Variants in NF2 observed in about 807,000 individuals in gnomAD.
NF2 encodes merlin.
A neutral mutation model predicts 83.7 loss-of-function variants in NF2; 8 were observed. The ratio of observed to expected loss-of-function variants is 0.10; its 90% CI spans 0.06 to 0.17. The LOEUF (loss-of-function observed/expected upper bound fraction) is 0.17. NF2 is among the 10% of genes least tolerant of loss of function. The pLI is 1.00. For synonymous variants in NF2, 266 were observed against 269.6 expected, an observed-to-expected ratio of 0.99 and a Z score of 0.13; for missense variants, 533 against 744.4, an observed-to-expected ratio of 0.72 and a Z score of 3.31.
intron 1 of NF2, among the ~76,000 whole-genome samples, chr22:29,613,218 A>G (rs570280760): frequency 6.6e-6 from 1 of 152,102 alleles, no homozygotes; most frequent in Admixed American, 6.6e-5. Flanking sequence ...ATTTCAAGAC[A>G]TACTATAAAA....
rs2067131592 is a variant in NF2 at position 29,681,444 on chromosome 22, A to T, written c.1580A>T (p.Glu527Val). 2 of 1,613,912 alleles carry T rather than the reference A, an allele frequency of 1.2e-6. No homozygotes were observed. The highest frequency in any genetic ancestry group is 2.7e-5 in the African/African-American group (2 of 74,898). ...LSMEIEKEKVEYMEKSKHLQE... is the reference protein window; with the variant it reads ...LSMEIEKEKVVYMEKSKHLQE... ...TGATACCCTCTTGCCGGCAGAGTGG[A>T]ATACATGGAAAAGAGCAAGCATCTG... The change falls in exon 15 of 16, where the codon GAA becomes GTA. Residue 527 changes from glutamate to valine, a missense_variant. Physicochemically the swap from Glu to Val is moderately radical, Grantham distance 121. Around this residue, in one of 3 missense-constraint regions of NF2, gnomAD observed 199 missense variants for 240.7 expected, o/e 0.83. Transcript: ENST00000338641.
intron 5 of NF2, 23 bp from the exon 6 acceptor site, chr22:29,655,571 T>A (rs1405111080): frequency 6.3e-7 from 1 of 1,581,070 alleles, no homozygotes; most frequent in Non-Finnish European, 8.7e-7. Context: ...GTAGGTTTTT[T>A]ATTTTGCTCT....
chr22:29,625,901 T>C (rs1361558708), intron 1 of NF2, among the ~76,000 whole-genome samples: 1 of 152,228 alleles, frequency 6.6e-6, no homozygotes, highest in Non-Finnish European at 1.5e-5. Flanking sequence ...TAGTGAGTTA[T>C]GTTGCTTATA....
intron 1 of NF2, among the ~76,000 whole-genome samples, chr22:29,607,185 A>G (rs1234777589): frequency 6.6e-6 from 1 of 152,262 alleles, no homozygotes; most frequent in Non-Finnish European, 1.5e-5. Context: ...AATCAATAAA[A>G]AACAATTTGA....
intron 4 of NF2, among the ~76,000 whole-genome samples, chr22:29,646,058 A>T (rs1004521668): frequency 1.3e-5 from 2 of 152,216 alleles, no homozygotes; most frequent in Admixed American, 1.3e-4. Context: ...TATTAATAAG[A>T]TCTTACATGC....
intron 14 of NF2, 25 bp from the exon 15 acceptor site, chr22:29,681,414 A>T: frequency 6.2e-7 from 1 of 1,613,286 alleles, no homozygotes. Context: ...CCAAGCCCTG[A>T]TGCATGATAC....
chr22:29,653,706 G>A (rs1420364743), intron 4 of NF2, among the ~76,000 whole-genome samples: 1 of 152,182 alleles, frequency 6.6e-6, no homozygotes, highest in African/African-American at 2.4e-5. Flanking sequence ...CTTTGAGAAT[G>A]AGAGAACATA....
At chr22:29,609,189 C>T (rs2064883951) in intron 1 of NF2, 5 of 741,908 alleles carry the variant, frequency 6.7e-6, no homozygotes, top group Admixed American at 3.5e-5. Context: ...CCAGGAACCT[C>T]AGTTCAGTAT....
intron 1 of NF2, among the ~76,000 whole-genome samples, chr22:29,616,764 T>TA: frequency 6.7e-6 from 1 of 149,132 alleles, no homozygotes; most frequent in East Asian, 2.0e-4. Context: ...AAAAAAAAAG[T>TA]AAAAATCATT....
rs577880819 is a variant in NF2, at chr22:29,641,231, A to T, written c.364-971A>T. On this transcript the variant is annotated intron_variant, in intron 3 of 15. Coordinates refer to ENST00000338641, the MANE Select transcript of NF2 (RefSeq NM_000268.4). ...AGGGATTAGAAAGTTGCACTGCTTG[A>T]GAAACATCTCAGGTTTCATTTTCTC... Among the ~76,000 whole-genome samples the T allele has an allele frequency of 6.6e-5, 10 of 152,346 alleles. No individual in the cohort carries two copies. In the South Asian group the frequency reaches 2.1e-3, roughly 32 times the overall value.
chr22:29,687,936 A>G (rs565972728), intron 15 of NF2, among the ~76,000 whole-genome samples: 63 of 152,332 alleles, frequency 4.1e-4, no homozygotes, highest in African/African-American at 1.5e-3. Context: ...CAGGGAAGGC[A>G]TTAGGAACTG....
intron 1 of NF2, among the ~76,000 whole-genome samples, chr22:29,633,975 ACT>A (rs764662325): frequency 6.6e-6 from 1 of 152,024 alleles, no homozygotes; most frequent in Non-Finnish European, 1.5e-5. Context: ...GCAATATCTG[ACT>A]CTTCTGAGAA....
chr22:29,686,553 T>A (rs940880996), intron 15 of NF2, among the ~76,000 whole-genome samples: 1 of 152,176 alleles, frequency 6.6e-6, no homozygotes, highest in Admixed American at 6.5e-5. Context: ...GCAGGAGAAT[T>A]GCTTGAACCT....
At position 29,639,231 on chromosome 22, in the gene NF2, C is replaced by A. The variant is rs202225081; in HGVS notation, c.363+19C>A. On this transcript the variant is annotated intron_variant, in intron 3 of 15. Transcript: ENST00000338641. ...CTTACAGGTACATCAGTCAAGGCTA[C>A]CCCCCAGTTCTGAGAGAACTTGCCC... 679 of 1,613,172 alleles carry A rather than the reference C, an allele frequency of 4.2e-4. No individual in the cohort carries two copies. Among genetic ancestry groups the A allele is most frequent in the Non-Finnish European group, 5.6e-4 (663 of 1,179,674 alleles).
At chr22:29,689,122 T>A (rs1249533813) in intron 15 of NF2, among the ~76,000 whole-genome samples, 8 of 136,724 alleles carry the variant, frequency 5.9e-5, no homozygotes, top group African/African-American at 2.2e-4. Context: ...GAGGCTGCAG[T>A]GAGCGGAGAT....
At chr22:29,688,267 T>C (rs1316949759) in intron 15 of NF2, among the ~76,000 whole-genome samples, 2 of 152,154 alleles carry the variant, frequency 1.3e-5, no homozygotes, top group African/African-American at 4.8e-5. Flanking sequence ...CCAGGCCTTA[T>C]TTGAGGCAGT....
chr22:29,671,674 G>A, intron 10 of NF2, 152 bp from the exon 11 acceptor site: 1 of 1,024,716 alleles, frequency 9.8e-7, no homozygotes, highest in Non-Finnish European at 1.5e-6. Flanking sequence ...GGACGGGGTG[G>A]GGGGCAATAA....
At position 29,664,084 on chromosome 22, in the gene NF2, T is replaced by A. The variant is rs2857643; in HGVS notation, c.811-906T>A. ...CCATGTTCAGAAACCTGTGGTGAGC[T>A]CAGGTATCCTGTCACATCAAACCTA... is the stretch of plus-strand genomic sequence containing the variant. On this transcript the variant is annotated intron_variant, in intron 8 of 15. Coordinates refer to ENST00000338641, the MANE Select transcript of NF2 (RefSeq NM_000268.4). Among the ~76,000 whole-genome samples the A allele has an allele frequency of 6.6e-5, 10 of 152,108 alleles. No individual in the cohort carries two copies. The East Asian group carries it at 1.9e-3, about 29-fold the overall frequency.
At chr22:29,607,272 A>C (rs1159057227) in intron 1 of NF2, among the ~76,000 whole-genome samples, 1 of 152,184 alleles carries the variant, frequency 6.6e-6, no homozygotes, top group African/African-American at 2.4e-5. Context: ...CAGTTTGTAG[A>C]GTAAGAGCAA....
Sources: allele counts gnomAD v4.1 joint callset (sites outside exome capture counted in the v4.1 genomes callset), GRCh38; gene constraint gnomAD v4.1.1; regional missense constraint gnomAD v4.1.1; transcripts MANE v1.5; gene names NCBI Gene and HGNC (gene_info 2026-07-23, HGNC 2026-07-21).